The following MAGI1 variants were observed in gnomAD, a reference collection of about 807,000 sequenced individuals.
The protein encoded by MAGI1 is membrane-associated guanylate kinase, WW and PDZ domain-containing protein 1.
Under a neutral mutation model 139.9 loss-of-function variants are expected in MAGI1, and 58 were observed. That is an observed-to-expected ratio of 0.41 (90% CI 0.34 to 0.52). The LOEUF (loss-of-function observed/expected upper bound fraction) is 0.52, where lower values mean the gene tolerates loss of function less well. MAGI1 is among the 20% of genes least tolerant of loss of function. The pLI is 0.12. For synonymous variants in MAGI1, 812 were observed against 737.9 expected (o/e 1.10, Z -1.63); for missense variants, 1,874 against 1,901.6 (o/e 0.99, Z 0.27).
chr3:65,441,897 C>A (rs1407098895), intron 8 of MAGI1, among the ~76,000 whole-genome samples: 1 of 151,958 alleles, frequency 6.6e-6, no homozygotes, highest in Non-Finnish European at 1.5e-5. Context: ...GTTCATATCA[C>A]CAGGGTATTA....
intron 1 of MAGI1, among the ~76,000 whole-genome samples, chr3:66,013,406 T>TAAAA (rs35481450): frequency 9.1e-6 from 1 of 109,984 alleles, no homozygotes; most frequent in African/African-American, 3.7e-5. Flanking sequence ...CTGTCTCAAA[T>TAAAA]AAAAAAAAAA....
intron 1 of MAGI1, among the ~76,000 whole-genome samples, chr3:66,007,097 T>A (rs888603276): frequency 1.3e-5 from 2 of 152,022 alleles, no homozygotes; most frequent in African/African-American, 4.8e-5. Flanking sequence ...CACCTCGACC[T>A]CCCAAAGTGC....
chr3:65,481,195 C>T (rs567869316), intron 3 of MAGI1, among the ~76,000 whole-genome samples: 1 of 152,278 alleles, frequency 6.6e-6, no homozygotes, highest in South Asian at 2.1e-4. Flanking sequence ...AGGTTTCCAA[C>T]TTACAGGCGC....
chr3:65,613,969 G>A (rs1199929739), intron 2 of MAGI1, among the ~76,000 whole-genome samples: 2 of 152,108 alleles, frequency 1.3e-5, no homozygotes, highest in African/African-American at 4.8e-5. Flanking sequence ...TTAACAGAGG[G>A]CCTACAAAGT....
At chr3:66,008,488 G>A (rs941250609) in intron 1 of MAGI1, among the ~76,000 whole-genome samples, 5 of 152,122 alleles carry the variant, frequency 3.3e-5, no homozygotes, top group East Asian at 1.9e-4. Context: ...TGACCCTCAC[G>A]CAGCTCAGAG....
At chr3:65,466,078 T>C (rs114449752) in intron 5 of MAGI1, among the ~76,000 whole-genome samples, 1,691 of 152,352 alleles carry the variant, frequency 0.011, 37 homozygotes, top group African/African-American at 0.039. Context: ...TTCTACTTTT[T>C]TTAAATCATC....
At chr3:65,620,573 T>C (rs1000042189) in intron 2 of MAGI1, among the ~76,000 whole-genome samples, 2 of 152,202 alleles carry the variant, frequency 1.3e-5, no homozygotes, top group African/African-American at 2.4e-5. Context: ...GCCCTACCTA[T>C]GTGATTAGCA....
chr3:65,662,974 T>TAA (rs1432105403), intron 1 of MAGI1, among the ~76,000 whole-genome samples: 1 of 152,086 alleles, frequency 6.6e-6, no homozygotes, highest in Admixed American at 6.5e-5. Flanking sequence ...GAGCAGGGCA[T>TAA]GGATGGTAGA....
chr3:66,021,595 C>T (rs960024805), intron 1 of MAGI1, among the ~76,000 whole-genome samples: 4 of 152,182 alleles, frequency 2.6e-5, no homozygotes, highest in South Asian at 2.1e-4. Flanking sequence ...GAGCATCACA[C>T]GCTGGACTTG....
intron 1 of MAGI1, among the ~76,000 whole-genome samples, chr3:65,800,080 C>G (rs2040418330): frequency 1.3e-5 from 2 of 152,198 alleles, no homozygotes; most frequent in African/African-American, 4.8e-5. Flanking sequence ...ATGTTACTTT[C>G]CTCCCAAGTT....
intron 1 of MAGI1, among the ~76,000 whole-genome samples, chr3:65,712,510 TTTG>T (rs3042858): frequency 4.0e-5 from 6 of 151,712 alleles, no homozygotes; most frequent in Admixed American, 6.6e-5. Flanking sequence ...TGTTTTTGTT[TTTG>T]TTGTTGTTGT....
chr3:65,895,188 G>T (rs2060920831), intron 1 of MAGI1, among the ~76,000 whole-genome samples: 1 of 152,164 alleles, frequency 6.6e-6, no homozygotes, highest in Non-Finnish European at 1.5e-5. Flanking sequence ...CAGACATAAA[G>T]GCAACTGTAC....
chr3:65,453,668 T>A (rs1949187756), intron 5 of MAGI1, among the ~76,000 whole-genome samples: 2 of 152,220 alleles, frequency 1.3e-5, no homozygotes, highest in Admixed American at 1.3e-4. Context: ...TATTTTAGGC[T>A]TTGCATTTGC....
At chr3:65,403,037 A>G (rs1945036925) in intron 12 of MAGI1, among the ~76,000 whole-genome samples, 1 of 152,216 alleles carries the variant, frequency 6.6e-6, no homozygotes, top group African/African-American at 2.4e-5. Context: ...AAACTCTGAT[A>G]TGGTAGAGTA....
intron 1 of MAGI1, among the ~76,000 whole-genome samples, chr3:65,910,855 C>CTTTTTTTCTTTTTTTTTTTTT (rs2061634666): frequency 1.7e-5 from 1 of 59,484 alleles, no homozygotes; most frequent in Non-Finnish European, 2.7e-5. Context: ...ACATGGTGGA[C>CTTTTTTTCTTTTTTTTTTTTT]TTTTTTTTTT....
intron 1 of MAGI1, among the ~76,000 whole-genome samples, chr3:65,692,659 G>C (rs1429379058): frequency 1.3e-5 from 2 of 152,148 alleles, no homozygotes; most frequent in African/African-American, 2.4e-5. Context: ...TGTGTTGAAA[G>C]GTGGGACCTT....
chr3:65,960,668 C>T (rs1414867202), intron 1 of MAGI1, among the ~76,000 whole-genome samples: 2 of 152,148 alleles, frequency 1.3e-5, no homozygotes, highest in African/African-American at 4.8e-5. Context: ...AAGCTTGAAG[C>T]CAAAATTATA....
chr3:65,502,864 C>T (rs568907618), intron 2 of MAGI1, among the ~76,000 whole-genome samples: 9 of 151,920 alleles, frequency 5.9e-5, no homozygotes, highest in Non-Finnish European at 1.3e-4. Context: ...GGTCATGGTG[C>T]CAAGGAAAGG....
chr3:65,969,263 C>T (rs528271415), intron 1 of MAGI1, among the ~76,000 whole-genome samples: 1 of 152,164 alleles, frequency 6.6e-6, no homozygotes, highest in African/African-American at 2.4e-5. Context: ...CAGTTCCTAG[C>T]TGTTATCTGT....
Sources: allele counts gnomAD v4.1 joint callset (sites outside exome capture counted in the v4.1 genomes callset), GRCh38; gene constraint gnomAD v4.1.1; transcripts MANE v1.5; gene names NCBI Gene and HGNC (gene_info 2026-07-23, HGNC 2026-07-21).